Variants in WASF3 observed in about 807,000 individuals in gnomAD.
WASF3 encodes the protein actin-binding protein WASF3.
WASF3 carries 11 observed loss-of-function variants against 46.6 expected under a neutral mutation model. The ratio of observed to expected loss-of-function variants is 0.24; its 90% CI spans 0.15 to 0.39. The LOEUF (loss-of-function observed/expected upper bound fraction) is 0.39. WASF3 is among the 10% of genes least tolerant of loss of function. The pLI is 1.00. For missense variants in WASF3, 576 were observed against 669.8 expected, an observed-to-expected ratio of 0.86 and a Z score of 1.55; for synonymous variants, 242 against 259.7, an observed-to-expected ratio of 0.93 and a Z score of 0.65.
intron 2 of WASF3, among the ~76,000 whole-genome samples, chr13:26,631,449 T>C (rs1881649478): frequency 1.3e-5 from 2 of 152,250 alleles, no homozygotes; most frequent in South Asian, 4.1e-4. Context: ...CATTTCTTGT[T>C]TTTGTCAGGT....
Position 26,584,097 on chromosome 13 carries a change from A to G in WASF3, c.-109+26278A>G, listed in dbSNP as rs560217826. 7.9e-4 allele frequency among the ~76,000 whole-genome samples: 121 copies of G among 152,320 alleles called. 1 individual carries two copies. The highest frequency in any genetic ancestry group is 2.8e-3 in the African/African-American group (117 of 41,574). On this transcript the variant is annotated intron_variant, in intron 1 of 9. Coordinates refer to ENST00000335327, the MANE Select transcript of WASF3 (RefSeq NM_006646.6). ...CAATTGGTTTTGCAGGATTATGGAGATCAAACAAGCATCTAACAAAGACTC... is the reference window on the plus strand; with the variant it reads ...CAATTGGTTTTGCAGGATTATGGAGGTCAAACAAGCATCTAACAAAGACTC...
chr13:26,659,668 C>A (rs139106789), intron 3 of WASF3, among the ~76,000 whole-genome samples: 2 of 152,032 alleles, frequency 1.3e-5, no homozygotes, highest in African/African-American at 2.4e-5. Flanking sequence ...AGGATCAGGG[C>A]AGGTGGTGCG....
At chr13:26,673,821 C>T (rs1414859974) in intron 6 of WASF3, among the ~76,000 whole-genome samples, 1 of 152,186 alleles carries the variant, frequency 6.6e-6, no homozygotes, top group African/African-American at 2.4e-5. Context: ...AAGTACAGAG[C>T]ACTCTGAGTG....
At chr13:26,610,721 G>A (rs1340300977) in intron 1 of WASF3, among the ~76,000 whole-genome samples, 1 of 152,146 alleles carries the variant, frequency 6.6e-6, no homozygotes, top group Non-Finnish European at 1.5e-5. Flanking sequence ...TCAGAGTGTA[G>A]CCATGTATGG....
intron 2 of WASF3, among the ~76,000 whole-genome samples, chr13:26,634,896 C>T (rs975839513): frequency 9.9e-5 from 15 of 152,254 alleles, no homozygotes; most frequent in East Asian, 1.9e-4. Context: ...GTAACCCGAC[C>T]TTTCTCTCTG....
intron 3 of WASF3, 110 bp from the exon 4 acceptor site, chr13:26,664,918 G>A (rs1055786005): frequency 2.7e-5 from 31 of 1,160,102 alleles, no homozygotes; most frequent in Non-Finnish European, 3.2e-5. Context: ...TTTCATACTC[G>A]TTTGCACAAA....
rs567898382 is a variant in WASF3, at chr13:26,653,402, C to T, written c.133+10999C>T. ...TCCTTGAAGGATGTATTCATATCTCCATGGCCTCTATTTCCCACATTGTTT... is the reference window on the plus strand; with the variant it reads ...TCCTTGAAGGATGTATTCATATCTCTATGGCCTCTATTTCCCACATTGTTT... On this transcript the variant is annotated intron_variant, in intron 3 of 9. Transcript: ENST00000335327. 2.0e-5 allele frequency among the ~76,000 whole-genome samples: 3 copies of T among 152,314 alleles called. No homozygotes were observed. The South Asian group carries it at 6.2e-4, about 32-fold the overall frequency.
chr13:26,574,875 C>T (rs1371103503), intron 1 of WASF3, among the ~76,000 whole-genome samples: 6 of 149,470 alleles, frequency 4.0e-5, no homozygotes, highest in Non-Finnish European at 7.4e-5. Context: ...CTCGCTGTGT[C>T]ACCCAGGCTG....
rs1883211325 is a variant in WASF3, at chr13:26,681,081, C to T, written c.744C>T (p.Tyr248=). The change falls in exon 8 of 10, where the codon TAC becomes TAT. Residue 248 remains tyrosine, a synonymous_variant. Coordinates refer to ENST00000335327, the MANE Select transcript of WASF3 (RefSeq NM_006646.6). The part of the protein sequence containing the change: ...TRSHASDVTD[Y]SYPATPNHSL... ...CACATGCATCGGACGTTACGGATTA[C>T]TCTTACCCGGCTACTCCCAACCATT... is the stretch of plus-strand genomic sequence containing the variant. 2.5e-6 allele frequency: 4 copies of T among 1,613,912 alleles called. No individual in the cohort carries two copies. Among genetic ancestry groups the T allele is most frequent in the Admixed American group, 3.3e-5 (2 of 59,990 alleles).
intron 2 of WASF3, among the ~76,000 whole-genome samples, chr13:26,621,464 C>T (rs1160190141): frequency 6.6e-6 from 1 of 151,558 alleles, no homozygotes; most frequent in African/African-American, 2.4e-5. Context: ...TGAGGCCCAC[C>T]CTGATGAAGA....
chr13:26,553,418 T>C (rs1435110296), upstream of WASF3, among the ~76,000 whole-genome samples: 1 of 152,086 alleles, frequency 6.6e-6, no homozygotes, highest in South Asian at 2.1e-4. Context: ...CGGCTCTGCT[T>C]GTACACTAGA....
intron 2 of WASF3, among the ~76,000 whole-genome samples, chr13:26,637,866 T>A (rs1881876805): frequency 6.6e-6 from 1 of 152,218 alleles, no homozygotes; most frequent in Admixed American, 6.5e-5. Context: ...ACCTGCTTTC[T>A]CAGATCATTC....
intron 1 of WASF3, among the ~76,000 whole-genome samples, chr13:26,568,946 C>T (rs141696640): frequency 6.6e-6 from 1 of 152,058 alleles, no homozygotes; most frequent in Non-Finnish European, 1.5e-5. Context: ...GGATATGACC[C>T]AATTAAACTT....
upstream of WASF3, among the ~76,000 whole-genome samples, chr13:26,554,076 C>CTTTCTTTCTTTCT (rs1164603154): frequency 1.4e-5 from 1 of 72,522 alleles, no homozygotes; most frequent in Non-Finnish European, 2.6e-5. Context: ...TCCTTCCTTC[C>CTTTCTTTCTTTCT]TTCCTTCCTT....
intron 3 of WASF3, among the ~76,000 whole-genome samples, chr13:26,653,627 G>T (rs1015967578): frequency 6.6e-6 from 1 of 152,126 alleles, no homozygotes; most frequent in African/African-American, 2.4e-5. Context: ...ACCTCACTCT[G>T]GTGTTTTTCC....
intron 1 of WASF3, among the ~76,000 whole-genome samples, chr13:26,580,681 G>A (rs559659664): frequency 2.7e-5 from 4 of 148,980 alleles, no homozygotes; most frequent in South Asian, 4.2e-4. Flanking sequence ...ACTGGAGTGC[G>A]ATGGCACGAT....
rs1369520002 is a variant in WASF3, at chr13:26,683,054, T to C, written c.1351+80T>C. The C allele has an allele frequency of 7.2e-6, 11 of 1,520,282 alleles. No homozygotes were observed. In the East Asian group the frequency reaches 2.5e-4, roughly 34 times the overall value. The allele number at this position is 1,520,282 out of a possible 1,614,324, so 94.2% of individuals were successfully genotyped here. Reference sequence around the variant, plus strand: ...TCTCCAGCCAGCTACAGCCTCCTTGTCTTCAAATGACTACTCACTACGTTT... The same window carrying C: ...TCTCCAGCCAGCTACAGCCTCCTTGCCTTCAAATGACTACTCACTACGTTT... On this transcript the variant is annotated intron_variant, in intron 9 of 9. Coordinates refer to ENST00000335327, the MANE Select transcript of WASF3 (RefSeq NM_006646.6).
At chr13:26,598,025 C>T (rs1377668262) in intron 1 of WASF3, among the ~76,000 whole-genome samples, 1 of 152,108 alleles carries the variant, frequency 6.6e-6, no homozygotes, top group African/African-American at 2.4e-5. Context: ...GTTCAAGATC[C>T]CTGAGGAATC....
At chr13:26,672,380 T>C (rs1407916195) in intron 6 of WASF3, among the ~76,000 whole-genome samples, 1 of 152,232 alleles carries the variant, frequency 6.6e-6, no homozygotes, top group African/African-American at 2.4e-5. Context: ...CTAGCTGTAA[T>C]TAAAATCTTG....
Sources: gnomAD v4.1 joint callset for allele counts (sites outside exome capture counted in the v4.1 genomes callset) on GRCh38, gnomAD v4.1.1 for gene constraint, MANE v1.5 for transcripts, NCBI Gene and HGNC (gene_info 2026-07-23, HGNC 2026-07-21) for gene names.